FAM135B: variants seen among roughly 807,000 people sequenced by gnomAD.
FAM135B encodes the protein protein FAM135B.
A neutral mutation model predicts 127.7 loss-of-function variants in FAM135B; 43 were observed. The observed-to-expected ratio is 0.34, with a 90% CI of 0.26 to 0.43. The LOEUF is 0.43. Among genes scored for constraint, FAM135B ranks in the 20% least tolerant of loss-of-function variants. FAM135B has a pLI of 1.00. For synonymous variants in FAM135B, 670 were observed against 665.1 expected (o/e 1.01, Z -0.11); for missense variants, 1,558 against 1,725.6 (o/e 0.90, Z 1.72).
intron 1 of FAM135B, among the ~76,000 whole-genome samples, chr8:138,443,746 C>T (rs757133732): frequency 6.6e-5 from 10 of 151,964 alleles, no homozygotes; most frequent in African/African-American, 1.7e-4. Flanking sequence ...TCAGGTAAGA[C>T]GCAGGTTATA....
rs747387742 is a variant in FAM135B, at chr8:138,242,990, C to T, written c.621G>A (p.Leu207=). ...DTGQEQSIIS[L]ENLVFGAGYC... ...ACCCAGCTCCAAAGACCAAGTTTTC[C>T]AGAGAAATGATAGACTGTTCTTGTC... The change falls in exon 7 of 20, where the codon CTG becomes CTA. Residue 207 remains leucine (L), a synonymous_variant. Coordinates refer to ENST00000395297, the MANE Select transcript of FAM135B (RefSeq NM_015912.4). This position sits in a 1 kb window ranked among gnomAD's most constrained non-coding sequence, Gnocchi z 9.6. 16 of 1,613,862 alleles carry T rather than the reference C, an allele frequency of 9.9e-6. No individual in the cohort carries two copies. The highest frequency in any genetic ancestry group is 1.4e-5 in the Non-Finnish European group (16 of 1,179,888).
chr8:138,426,552 AC>A (rs1172492843), intron 1 of FAM135B, among the ~76,000 whole-genome samples: 3 of 151,100 alleles, frequency 2.0e-5, no homozygotes, highest in African/African-American at 4.8e-5. Flanking sequence ...GTATATATAT[AC>A]ATTAAAAGAC....
At chr8:138,250,365 TAAAC>T (rs1037199123) in intron 6 of FAM135B, among the ~76,000 whole-genome samples, 2 of 151,968 alleles carry the variant, frequency 1.3e-5, no homozygotes, top group Non-Finnish European at 2.9e-5. Context: ...TATAAGTAAA[TAAAC>T]AAACAAACAA....
chr8:138,181,801 G>A (rs1028172951), intron 9 of FAM135B, among the ~76,000 whole-genome samples: 9 of 151,908 alleles, frequency 5.9e-5, no homozygotes, highest in East Asian at 1.9e-4. Context: ...CCAATGCTCC[G>A]CGTGTAAGTC....
chr8:138,174,733 C>G (rs1432976105), intron 11 of FAM135B, among the ~76,000 whole-genome samples: 1 of 152,098 alleles, frequency 6.6e-6, no homozygotes, highest in Non-Finnish European at 1.5e-5. Context: ...CGTCTCCCAT[C>G]TGATTCAGAT....
intron 7 of FAM135B, among the ~76,000 whole-genome samples, chr8:138,227,239 C>A (rs1586825293): frequency 6.6e-6 from 1 of 152,214 alleles, no homozygotes; most frequent in African/African-American, 2.4e-5. Flanking sequence ...TTGCCCTAGT[C>A]AAACCAATTA....
intron 9 of FAM135B, among the ~76,000 whole-genome samples, chr8:138,185,516 A>G (rs1296311238): frequency 6.6e-6 from 1 of 152,152 alleles, no homozygotes; most frequent in Non-Finnish European, 1.5e-5. Context: ...CAAACAAATG[A>G]AAGAAACAAA....
chr8:138,253,584 A>G (rs757672337), intron 5 of FAM135B, among the ~76,000 whole-genome samples: 30 of 152,334 alleles, frequency 2.0e-4, no homozygotes, highest in Non-Finnish European at 8.8e-5. Context: ...CTATAAAGTC[A>G]GAAGTGAAGC....
intron 1 of FAM135B, among the ~76,000 whole-genome samples, chr8:138,452,529 G>A (rs1374572221): frequency 2.0e-5 from 3 of 152,072 alleles, no homozygotes; most frequent in African/African-American, 4.8e-5. Context: ...GAAGTGGCGC[G>A]AGCTTCAGCT....
chr8:138,252,508 C>T (rs1378529438), intron 5 of FAM135B, among the ~76,000 whole-genome samples: 2 of 152,080 alleles, frequency 1.3e-5, no homozygotes, highest in African/African-American at 2.4e-5. Flanking sequence ...AAAATGTTAA[C>T]AAGAATTTAA....
chr8:138,242,589 G>T lies in FAM135B; in HGVS notation c.669+353C>A, dbSNP rs1226753840. Among the ~76,000 whole-genome samples, 2 of 152,078 alleles carry T rather than the reference G, an allele frequency of 1.3e-5. No homozygotes were observed. The highest frequency in any genetic ancestry group is 4.8e-5 in the African/African-American group (2 of 41,408). Reference sequence around the variant, plus strand: ...TTCAGAGAGTGCACAAATGAAAGCGGGAGCCAGGTTTTGAAACCAGACATG... The same window carrying T: ...TTCAGAGAGTGCACAAATGAAAGCGTGAGCCAGGTTTTGAAACCAGACATG... On this transcript the variant is annotated intron_variant, in intron 7 of 19. Coordinates refer to ENST00000395297, the MANE Select transcript of FAM135B (RefSeq NM_015912.4). This position sits in a 1 kb window ranked among gnomAD's most constrained non-coding sequence, Gnocchi z 9.6.
chr8:138,459,097 A>G (rs982760993), intron 1 of FAM135B: 3 of 152,310 alleles, frequency 2.0e-5, no homozygotes, highest in African/African-American at 7.2e-5. Context: ...GAAAGTTATG[A>G]TCATAGTACC....
chr8:138,146,554 G>A (rs1412915080), intron 14 of FAM135B, among the ~76,000 whole-genome samples: 1 of 151,414 alleles, frequency 6.6e-6, no homozygotes, highest in East Asian at 1.9e-4. Flanking sequence ...GAATAGGACT[G>A]TCTCTTGGGA....
chr8:138,426,000 T>TATATATATACAC (rs1563992360), intron 1 of FAM135B, among the ~76,000 whole-genome samples: 3 of 14,512 alleles, frequency 2.1e-4, no homozygotes, highest in African/African-American at 1.9e-3. Context: ...TATATATATA[T>TATATATATACAC]ATATATATAT....
At position 138,312,195 on chromosome 8, in the gene FAM135B, T is replaced by A. The variant is rs1826738654; in HGVS notation, c.78-1275A>T. On this transcript the variant is annotated intron_variant, in intron 2 of 19. Coordinates refer to ENST00000395297, the MANE Select transcript of FAM135B (RefSeq NM_015912.4). ...CTCCTGACCTCATGATCCACCTGCC[T>A]CAGCCTCCCAAAGTGCTGGGATTAC... Among the ~76,000 whole-genome samples the A allele has an allele frequency of 4.6e-5, 7 of 152,128 alleles. No homozygotes were observed. In the South Asian group the frequency reaches 1.4e-3, roughly 31 times the overall value.
At chr8:138,298,622 A>G (rs1302467242) in intron 3 of FAM135B, among the ~76,000 whole-genome samples, 1 of 152,154 alleles carries the variant, frequency 6.6e-6, no homozygotes, top group Admixed American at 6.5e-5. Flanking sequence ...CCTGTTAAGA[A>G]GTCTGGATTT....
At position 138,409,529 on chromosome 8, in the gene FAM135B, G is replaced by T. The variant is rs148724852; in HGVS notation, c.-19-41527C>A. Among the ~76,000 whole-genome samples the T allele has an allele frequency of 3.8e-3, 580 of 152,196 alleles. 2 individuals are homozygous for T. Among genetic ancestry groups the T allele is most frequent in the Non-Finnish European group, 5.8e-3 (397 of 68,002 alleles). On this transcript the variant is annotated intron_variant, in intron 1 of 19. Coordinates refer to ENST00000395297, the MANE Select transcript of FAM135B (RefSeq NM_015912.4). The stretch of plus-strand genomic sequence containing the variant: ...GTGCCAATAGACTTGCTGGAGGCAG[G>T]GTTGCCACAAACCTTTAATTTGTAA...
At chr8:138,480,867 G>T (rs1014194269) in intron 1 of FAM135B, among the ~76,000 whole-genome samples, 2 of 152,134 alleles carry the variant, frequency 1.3e-5, no homozygotes, top group African/African-American at 4.8e-5. Context: ...GTGACTCTTG[G>T]CAGGGCACTC....
rs1820256576 is a variant in FAM135B at position 138,236,140 on chromosome 8, T to TA, written c.669+6801_669+6802insT. Among the ~76,000 whole-genome samples, 3 of 152,222 alleles carry TA rather than the reference T, an allele frequency of 2.0e-5. No homozygotes were observed. The South Asian group carries it at 6.2e-4, about 32-fold the overall frequency. ...TCTCAGATTCCAAGGCATCCAACAC[T>TA]CATTTACTCAACAAAGGCTTCGTGG... On this transcript the variant is annotated intron_variant, in intron 7 of 19. Transcript: ENST00000395297.
Sources: allele counts gnomAD v4.1 joint callset (sites outside exome capture counted in the v4.1 genomes callset), GRCh38; gene constraint gnomAD v4.1.1; non-coding constraint Gnocchi (gnomAD v3.1); transcripts MANE v1.5; gene names NCBI Gene and HGNC (gene_info 2026-07-23, HGNC 2026-07-21).